The following CLIP4 variants were observed in gnomAD, a reference collection of about 807,000 sequenced individuals.
CLIP4 encodes the protein CAP-Gly domain-containing linker protein 4.
A neutral mutation model predicts 73.1 loss-of-function variants in CLIP4; 47 were observed. The observed-to-expected ratio is 0.64, with a 90% confidence interval of 0.51 to 0.82. The LOEUF is 0.82. CLIP4 is among the 40% of genes least tolerant of loss of function. The pLI is 0.00. For missense variants in CLIP4, 874 were observed against 852.9 expected (o/e 1.02, Z -0.31); for synonymous variants, 306 against 295.4 (o/e 1.04, Z -0.37).
intron 6 of CLIP4, among the ~76,000 whole-genome samples, chr2:29,137,773 C>T (rs182863982): frequency 1.2e-3 from 178 of 152,154 alleles, no homozygotes; most frequent in African/African-American, 3.5e-3. Flanking sequence ...TGATTAGTGA[C>T]GTTGAGCATT....
chr2:29,181,128 T>C (rs1668620656), intron 15 of CLIP4, among the ~76,000 whole-genome samples: 1 of 152,178 alleles, frequency 6.6e-6, no homozygotes, highest in Non-Finnish European at 1.5e-5. Context: ...AGCTGATTAA[T>C]ACATATTTTG....
chr2:29,163,812 T>G lies in CLIP4; in HGVS notation c.1535-19T>G. 6.2e-7 allele frequency: 1 copy of G among 1,605,360 alleles called. No homozygotes were observed. The highest frequency in any genetic ancestry group is 8.5e-7 in the Non-Finnish European group (1 of 1,176,878). On this transcript the variant is annotated intron_variant, in intron 12 of 15. Transcript: ENST00000320081. Reference sequence around the variant, plus strand: ...GGATAAAGTACAGATGCTTTTGAAATGCAATATTCATGTTCTAGGATATTG... The same window carrying G: ...GGATAAAGTACAGATGCTTTTGAAAGGCAATATTCATGTTCTAGGATATTG...
intron 1 of CLIP4, among the ~76,000 whole-genome samples, chr2:29,119,757 T>C (rs1572877858): frequency 6.6e-6 from 1 of 152,162 alleles, no homozygotes; most frequent in Admixed American, 6.5e-5. Context: ...CCCTTTTATA[T>C]TGATACCTAT....
chr2:29,112,680 CACAG>C (rs1438469086), upstream of CLIP4, among the ~76,000 whole-genome samples: 1 of 152,236 alleles, frequency 6.6e-6, no homozygotes, highest in Non-Finnish European at 1.5e-5. Context: ...CTGTAAACAT[CACAG>C]ACAGGAAGAT....
chr2:29,112,807 C>A (rs1668416314), upstream of CLIP4, among the ~76,000 whole-genome samples: 1 of 152,258 alleles, frequency 6.6e-6, no homozygotes, highest in South Asian at 2.1e-4. Context: ...GTCCTAAGGG[C>A]CTAGGCCCCC....
At chr2:29,124,178 G>C (rs1422923087) in intron 2 of CLIP4, among the ~76,000 whole-genome samples, 1 of 152,066 alleles carries the variant, frequency 6.6e-6, no homozygotes, top group Non-Finnish European at 1.5e-5. Context: ...TTATGGTGCT[G>C]GTCTGCCAGT....
chr2:29,155,985 GC>G (rs1176415075), intron 9 of CLIP4, among the ~76,000 whole-genome samples: 1 of 152,174 alleles, frequency 6.6e-6, no homozygotes, highest in Non-Finnish European at 1.5e-5. Context: ...CTCTGTTCCA[GC>G]CAAGCTACTC....
upstream of CLIP4, chr2:29,115,028 T>C (rs1478707728): frequency 1.3e-5 from 2 of 152,428 alleles, no homozygotes; most frequent in South Asian, 4.1e-4. The surrounding 1 kb of genome is among the most constrained non-coding windows in gnomAD (Gnocchi z 5.1). Context: ...GCAGGAGATA[T>C]GAACTAATTG....
intron 15 of CLIP4, among the ~76,000 whole-genome samples, chr2:29,180,368 C>T (rs926851230): frequency 6.6e-6 from 1 of 152,104 alleles, no homozygotes; most frequent in Non-Finnish European, 1.5e-5. Flanking sequence ...GATGAGTGCA[C>T]TGGGGAGTCC....
chr2:29,103,106 C>T (rs1329693759), intron 1 of CLIP4, among the ~76,000 whole-genome samples: 3 of 152,126 alleles, frequency 2.0e-5, no homozygotes, highest in African/African-American at 4.8e-5. Context: ...GCATTTTTTC[C>T]TCCTTCTCCC....
At chr2:29,159,207 GTT>G (rs1363793582) in intron 11 of CLIP4, among the ~76,000 whole-genome samples, 6 of 152,112 alleles carry the variant, frequency 3.9e-5, no homozygotes, top group Non-Finnish European at 8.8e-5. Context: ...TTCTCCATGG[GTT>G]TATTTTCCTT....
intron 1 of CLIP4, among the ~76,000 whole-genome samples, chr2:29,102,329 G>A (rs1668073501): frequency 6.6e-6 from 1 of 152,148 alleles, no homozygotes; most frequent in Non-Finnish European, 1.5e-5. Context: ...AGAAAGTTTT[G>A]TTAGTGAAAG....
intron 12 of CLIP4, among the ~76,000 whole-genome samples, chr2:29,163,386 T>C (rs1667411860): frequency 6.6e-6 from 1 of 152,102 alleles, no homozygotes; most frequent in South Asian, 2.1e-4. Flanking sequence ...GAGCACTGTT[T>C]GTGGTGTTCT....
chr2:29,167,303 AATT>A (rs1667685891), intron 13 of CLIP4, among the ~76,000 whole-genome samples, 170 bp from the exon 14 acceptor site: 1 of 152,118 alleles, frequency 6.6e-6, no homozygotes, highest in Admixed American at 6.5e-5. Context: ...TCTTCTATTT[AATT>A]ATTGTTTTTC....
chr2:29,159,680 C>CT (rs1380506287), intron 11 of CLIP4, among the ~76,000 whole-genome samples: 2 of 69,054 alleles, frequency 2.9e-5, no homozygotes, highest in Non-Finnish European at 5.8e-5. Flanking sequence ...GACCCTGTTT[C>CT]TTTAAAAAAA....
At chr2:29,099,638 C>T (rs1341922074) in intron 1 of CLIP4, among the ~76,000 whole-genome samples, 1 of 152,164 alleles carries the variant, frequency 6.6e-6, no homozygotes, top group Admixed American at 6.5e-5. Context: ...AGTGTCAATC[C>T]TCTGACTTTG....
At chr2:29,123,420 CAAATG>C (rs1238281104) in intron 2 of CLIP4, among the ~76,000 whole-genome samples, 10 of 152,116 alleles carry the variant, frequency 6.6e-5, no homozygotes, top group Admixed American at 2.0e-4. Flanking sequence ...AGTAAACAAA[CAAATG>C]AATAGACAAA....
rs892933626 is a variant in CLIP4 at position 29,157,548 on chromosome 2, A to G, written c.1399+201A>G. ...GTCTCAGATATAAGACTTTGCATTT[A>G]TTTTCATGTAATTCATTCTTAGTGG... On this transcript the variant is annotated intron_variant, in intron 11 of 15. Coordinates refer to ENST00000320081, the MANE Select transcript of CLIP4 (RefSeq NM_024692.6). 4 of 719,612 alleles carry G rather than the reference A, an allele frequency of 5.6e-6. No individual in the cohort carries two copies. The East Asian group carries it at 8.5e-5, about 15-fold the overall frequency. The allele number at this position is 719,612 out of a possible 1,614,324, so 44.6% of individuals were successfully genotyped here. A position where few individuals can be genotyped will look rare whatever the true frequency, so the allele number is the denominator to read the frequency against.
At chr2:29,136,119 T>TA (rs1665335042) in intron 6 of CLIP4, among the ~76,000 whole-genome samples, 1 of 151,988 alleles carries the variant, frequency 6.6e-6, no homozygotes. Context: ...TTTTTAATAG[T>TA]AAAATTTCAC....
Sources: gnomAD v4.1 joint callset for allele counts (sites outside exome capture counted in the v4.1 genomes callset) on GRCh38, gnomAD v4.1.1 for gene constraint, Gnocchi (gnomAD v3.1) non-coding constraint, MANE v1.5 for transcripts, NCBI Gene and HGNC (gene_info 2026-07-23, HGNC 2026-07-21) for gene names.